OXR1: variants seen among roughly 807,000 people sequenced by gnomAD.
OXR1 encodes oxidation resistance 1, also known as oxidation resistance protein 1.
Under a neutral mutation model 104.6 loss-of-function variants are expected in OXR1, and 41 were observed. The observed-to-expected ratio is 0.39, with a 90% CI of 0.31 to 0.51. The LOEUF (loss-of-function observed/expected upper bound fraction) is 0.51. OXR1 is among the 20% of genes least tolerant of loss of function. OXR1 has a pLI of 0.77. For synonymous variants in OXR1, 348 were observed against 348.4 expected (o/e 1.00, Z 0.01); for missense variants, 955 against 1,031.9 (o/e 0.93, Z 1.02).
chr8:106,684,591 A>C (rs1828506634), intron 6 of OXR1, among the ~76,000 whole-genome samples: 1 of 152,222 alleles, frequency 6.6e-6, no homozygotes, highest in African/African-American at 2.4e-5. Context: ...AATATTCATC[A>C]ACTCTTATTT....
At chr8:106,603,928 C>T (rs1820163195) in intron 3 of OXR1, among the ~76,000 whole-genome samples, 1 of 152,042 alleles carries the variant, frequency 6.6e-6, no homozygotes. Flanking sequence ...TGGTGCATGC[C>T]TGTAGTCCCA....
chr8:106,500,552 G>C (rs1427714202), intron 2 of OXR1, among the ~76,000 whole-genome samples: 5 of 152,158 alleles, frequency 3.3e-5, no homozygotes, highest in Non-Finnish European at 7.3e-5. Flanking sequence ...TGTGCATTCA[G>C]GGAGCTCGGA....
chr8:106,606,617 G>A (rs948035176), intron 3 of OXR1, among the ~76,000 whole-genome samples: 1 of 151,850 alleles, frequency 6.6e-6, no homozygotes, highest in African/African-American at 2.4e-5. Context: ...TGGCCACTAT[G>A]ATACTCTTGA....
At chr8:106,720,534 G>A (rs574035928) in intron 11 of OXR1, 1 of 154,236 alleles carries the variant, frequency 6.5e-6, no homozygotes, top group South Asian at 2.1e-4. Context: ...CTGGGCTGCT[G>A]CATCAAAAAC....
chr8:106,486,556 A>T (rs1810670346), intron 2 of OXR1, among the ~76,000 whole-genome samples: 1 of 152,102 alleles, frequency 6.6e-6, no homozygotes. Flanking sequence ...CGTTTTGTGA[A>T]TTTTTAACAA....
intron 2 of OXR1, among the ~76,000 whole-genome samples, chr8:106,402,707 A>G (rs1818048651): frequency 6.6e-6 from 1 of 152,206 alleles, no homozygotes; most frequent in Non-Finnish European, 1.5e-5. Flanking sequence ...GTCACTTTGG[A>G]AAAGCCTGGG....
At chr8:106,635,948 C>T (rs1336797081) in intron 3 of OXR1, among the ~76,000 whole-genome samples, 1 of 152,130 alleles carries the variant, frequency 6.6e-6, no homozygotes, top group African/African-American at 2.4e-5. Flanking sequence ...AGAAATGATT[C>T]CATGGTAGAT....
At chr8:106,519,200 T>C in intron 3 of OXR1, 61 bp downstream of exon 3, 1 of 1,184,648 alleles carries the variant, frequency 8.4e-7, no homozygotes, top group Non-Finnish European at 1.2e-6. Context: ...GCATTGAGAA[T>C]TTCTGGGTCT....
intron 3 of OXR1, among the ~76,000 whole-genome samples, chr8:106,596,783 G>A (rs985507900): frequency 2.0e-5 from 3 of 151,982 alleles, no homozygotes; most frequent in East Asian, 1.9e-4. Context: ...GGCCGGGTGC[G>A]GTGGCTCACG....
chr8:106,604,748 T>C (rs527371731), intron 3 of OXR1: 2 of 152,304 alleles, frequency 1.3e-5, no homozygotes, highest in South Asian at 4.1e-4. Flanking sequence ...CTTTCGATAA[T>C]TGTGACATAA....
At chr8:106,610,760 A>G (rs1026226044) in intron 3 of OXR1, among the ~76,000 whole-genome samples, 3 of 152,246 alleles carry the variant, frequency 2.0e-5, no homozygotes, top group African/African-American at 7.2e-5. Context: ...AGATGACATT[A>G]TTCGAAGAAA....
At chr8:106,744,188 A>C (rs779760182) in intron 15 of OXR1, among the ~76,000 whole-genome samples, 10 of 152,244 alleles carry the variant, frequency 6.6e-5, no homozygotes, top group Non-Finnish European at 1.5e-4. Context: ...CATCCTGCAC[A>C]TGTACTCCTG....
In OXR1 at chr8:106,734,753, A is replaced by G. The variant is rs564357486; in HGVS notation, c.1957-2767A>G. On this transcript the variant is annotated intron_variant, in intron 11 of 16. Coordinates refer to ENST00000517566, the MANE Select transcript of OXR1 (RefSeq NM_001198533.2). Reference sequence around the variant, plus strand: ...TTCTGTAGAAGTAAAGGCTTAGGAAAATACTTTCTCTTTGTGAGGGTCCTT... The same window carrying G: ...TTCTGTAGAAGTAAAGGCTTAGGAAGATACTTTCTCTTTGTGAGGGTCCTT... Among the ~76,000 whole-genome samples, 4 of 152,318 alleles carry G rather than the reference A, an allele frequency of 2.6e-5. No individual in the cohort carries two copies. In the East Asian group the frequency reaches 7.7e-4, roughly 29 times the overall value.
intron 3 of OXR1, among the ~76,000 whole-genome samples, chr8:106,603,433 T>G (rs1249390337): frequency 1.3e-5 from 2 of 152,132 alleles, no homozygotes; most frequent in Admixed American, 6.5e-5. Context: ...CTTTTCTGTA[T>G]TTTTTAAATG....
At chr8:106,668,672 C>T (rs191388287) in intron 3 of OXR1, among the ~76,000 whole-genome samples, 254 of 152,176 alleles carry the variant, frequency 1.7e-3, no homozygotes, top group Middle Eastern at 3.4e-3. Flanking sequence ...TTTTATATTC[C>T]TCAACAGGAA....
chr8:106,431,308 T>G (rs1341351503), intron 2 of OXR1, among the ~76,000 whole-genome samples: 2 of 152,140 alleles, frequency 1.3e-5, no homozygotes, highest in African/African-American at 4.8e-5. Flanking sequence ...ATAGTAATAA[T>G]GATAAACTGT....
At chr8:106,494,076 G>A (rs1371827581) in intron 2 of OXR1, among the ~76,000 whole-genome samples, 1 of 152,146 alleles carries the variant, frequency 6.6e-6, no homozygotes, top group African/African-American at 2.4e-5. Flanking sequence ...TTGTAAGCAT[G>A]TTATTATTAC....
chr8:106,492,213 G>A (rs1282632690), intron 2 of OXR1, among the ~76,000 whole-genome samples: 1 of 152,192 alleles, frequency 6.6e-6, no homozygotes, highest in Non-Finnish European at 1.5e-5. Flanking sequence ...CATTTGTTCA[G>A]CTCTTACTTT....
intron 2 of OXR1, among the ~76,000 whole-genome samples, chr8:106,481,779 G>A (rs1822131418): frequency 6.6e-6 from 1 of 151,916 alleles, no homozygotes; most frequent in South Asian, 2.1e-4. Context: ...ATTCCTACTA[G>A]GTCGATATTG....
Sources: allele counts gnomAD v4.1 joint callset (sites outside exome capture counted in the v4.1 genomes callset), GRCh38; gene constraint gnomAD v4.1.1; transcripts MANE v1.5; gene names NCBI Gene and HGNC (gene_info 2026-07-23, HGNC 2026-07-21).